The following EWSR1 variants were observed in gnomAD, a reference collection of about 807,000 sequenced individuals.
EWSR1 encodes the protein EWS RNA binding protein 1.
Under a neutral mutation model 92.1 loss-of-function variants are expected in EWSR1, and 14 were observed. The observed-to-expected ratio is 0.15, with a 90% CI of 0.10 to 0.24. EWSR1 has a LOEUF of 0.24. Ranked by LOEUF, EWSR1 falls within the 10% of genes least tolerant of loss-of-function variation. The pLI, the probability that EWSR1 is intolerant of heterozygous loss-of-function variation, is 1.00. For missense variants in EWSR1, 637 were observed against 870.9 expected (o/e 0.73, Z 3.38); for synonymous variants, 303 against 292.9 (o/e 1.03, Z -0.35).
At chr22:29,268,485 A>G (rs2058315912) in intron 1 of EWSR1, 136 bp downstream of exon 1, 29 of 1,509,072 alleles carry the variant, frequency 1.9e-5, no homozygotes, top group Non-Finnish European at 2.7e-5. Flanking sequence ...CGGCCCGACG[A>G]GCTCGGGGAT....
chr22:29,279,825 A>C (rs980742059), intron 5 of EWSR1, among the ~76,000 whole-genome samples: 1 of 152,208 alleles, frequency 6.6e-6, no homozygotes, highest in Non-Finnish European at 1.5e-5. Context: ...CTCATTTCCG[A>C]GTGTCATCAG....
intron 6 of EWSR1, among the ~76,000 whole-genome samples, chr22:29,285,121 T>TG (rs1491560682): frequency 3.6e-5 from 4 of 111,638 alleles, no homozygotes; most frequent in Admixed American, 3.0e-4. Context: ...TTCTGGCCCT[T>TG]GTTTTTTTTT....
intron 10 of EWSR1, 69 bp downstream of exon 10, chr22:29,292,238 C>A: frequency 6.9e-7 from 1 of 1,449,368 alleles, no homozygotes; most frequent in Non-Finnish European, 9.7e-7. Context: ...TAAATGCATG[C>A]GTAGAGTTCA....
intron 4 of EWSR1, among the ~76,000 whole-genome samples, chr22:29,274,851 G>T (rs1602225794): frequency 1.3e-5 from 2 of 152,250 alleles, no homozygotes. Context: ...ATTTTTTTGT[G>T]TTCAGTGCTG....
At chr22:29,294,674 G>A (rs1459261254) in intron 11 of EWSR1, among the ~76,000 whole-genome samples, 2 of 151,660 alleles carry the variant, frequency 1.3e-5, no homozygotes, top group East Asian at 3.9e-4. Context: ...CCGGCACTAT[G>A]GGAGGCCGAG....
At chr22:29,281,140 A>G (rs1298688650) in intron 5 of EWSR1, among the ~76,000 whole-genome samples, 5 of 151,408 alleles carry the variant, frequency 3.3e-5, no homozygotes, top group South Asian at 2.1e-4. Flanking sequence ...CAGCCTCCCA[A>G]AGTTCTGGGA....
Position 29,300,494 on chromosome 22 carries a change from TAAA to T in EWSR1, c.*334_*336del. 1 of 236,250 alleles carries T rather than the reference TAAA, an allele frequency of 4.2e-6. No homozygotes were observed. The highest frequency in any genetic ancestry group is 2.3e-5 in the African/African-American group (1 of 44,354). The allele number at this position is 236,250 out of a possible 1,614,324, so 14.6% of individuals were successfully genotyped here. A position where few individuals can be genotyped will look rare whatever the true frequency, so the allele number is the denominator to read the frequency against. On this transcript the variant is annotated 3_prime_UTR_variant, in exon 17 of 17. Coordinates refer to ENST00000397938, the MANE Select transcript of EWSR1 (RefSeq NM_005243.4). Reference sequence around the variant, plus strand: ...GGTTGTGATGTTTTTTTTTTTTTTTTAAATAAAATTCCAAATGTTTATAAAGAG... The same window carrying T: ...GGTTGTGATGTTTTTTTTTTTTTTTTTAAAATTCCAAATGTTTATAAAGAG...
intron 3 of EWSR1, among the ~76,000 whole-genome samples, chr22:29,272,724 T>C (rs2058777669): frequency 6.6e-6 from 1 of 152,228 alleles, no homozygotes; most frequent in Non-Finnish European, 1.5e-5. Flanking sequence ...AGTGAATTTA[T>C]TCATCATAGC....
At chr22:29,274,198 A>C in intron 4 of EWSR1, 1 of 1,552,240 alleles carries the variant, frequency 6.4e-7, no homozygotes. Flanking sequence ...TAAAAATCAA[A>C]CTGGTTTTCA....
In EWSR1 at chr22:29,278,233, C is replaced by T; in HGVS notation, c.413+17C>T. ...ACCTACAAGGTAAGGCCATGGTGTC[C>T]TTAATGCGTCAGTCTTATGTTGGAG... On this transcript the variant is annotated intron_variant, in intron 5 of 16. Transcript: ENST00000397938. The T allele has an allele frequency of 1.2e-6, 2 of 1,610,274 alleles. No individual in the cohort carries two copies. Among genetic ancestry groups the T allele is most frequent in the Non-Finnish European group, 1.7e-6 (2 of 1,177,610 alleles).
intron 11 of EWSR1, among the ~76,000 whole-genome samples, chr22:29,294,187 A>G (rs754916810): frequency 6.6e-6 from 1 of 152,094 alleles, no homozygotes; most frequent in Non-Finnish European, 1.5e-5. Flanking sequence ...AGTAAAGACT[A>G]TCGATTTCCT....
intron 1 of EWSR1, 64 bp from the exon 2 acceptor site, chr22:29,272,152 C>T: frequency 6.9e-7 from 1 of 1,459,554 alleles, no homozygotes; most frequent in Non-Finnish European, 9.6e-7. Context: ...ATTCTTTCCC[C>T]CTTTTTTCTC....
rs146607451 is a variant in EWSR1 at position 29,286,941 on chromosome 22, G to A, written c.600G>A (p.Pro200=). 2,212 of 1,611,102 alleles carry A rather than the reference G, an allele frequency of 1.4e-3. 3 individuals carry two copies. The highest frequency in any genetic ancestry group is 2.4e-3 in the Admixed American group (145 of 59,642). ...YPPTSYSSTQ[P]TSYDQSSYSQ... ...CTTTCAGCTATTCCTCTACACAGCC[G>A]ACTAGTTATGATCAGAGCAGTTACT... is the stretch of plus-strand genomic sequence containing the variant. The change falls in exon 7 of 17, where the codon CCG becomes CCA. Residue 200 remains proline, a synonymous_variant. Coordinates refer to ENST00000397938, the MANE Select transcript of EWSR1 (RefSeq NM_005243.4).
At chr22:29,290,001 G>A (rs1056525492) in intron 8 of EWSR1, 3 of 232,974 alleles carry the variant, frequency 1.3e-5, no homozygotes, top group African/African-American at 4.4e-5. Context: ...CTATCATCAC[G>A]TCTCAAATCA....
Position 29,290,571 on chromosome 22 carries a change from A to T in EWSR1, c.975-991A>T. On this transcript the variant is annotated intron_variant, in intron 8 of 16. Transcript: ENST00000397938. The stretch of plus-strand genomic sequence containing the variant: ...TTTAACAAAATGTATTCATTGTATA[A>T]ATGGAATCCTTCTGTAACTTTGGTA... The T allele has an allele frequency of 2.6e-6, 4 of 1,537,600 alleles. No homozygotes were observed. In the South Asian group the frequency reaches 4.9e-5, roughly 19 times the overall value.
At chr22:29,286,506 A>G (rs1285293744) in intron 6 of EWSR1, among the ~76,000 whole-genome samples, 1 of 151,754 alleles carries the variant, frequency 6.6e-6, no homozygotes, top group Admixed American at 6.6e-5. Flanking sequence ...GGCTAACAAG[A>G]TGAAACCCTG....
At chr22:29,290,207 C>T in intron 8 of EWSR1, 3 of 486,580 alleles carry the variant, frequency 6.2e-6, no homozygotes, top group Non-Finnish European at 7.4e-6. Flanking sequence ...GTGAAGCAGT[C>T]TGTCGGATCC....
chr22:29,278,468 T>G (rs1470705810), intron 5 of EWSR1, among the ~76,000 whole-genome samples: 1 of 150,198 alleles, frequency 6.7e-6, no homozygotes, highest in Admixed American at 6.7e-5. Flanking sequence ...GGGCGGATCA[T>G]ATAAGGTCAG....
chr22:29,279,741 C>G lies in EWSR1; in HGVS notation c.413+1525C>G, dbSNP rs142070468. Among the ~76,000 whole-genome samples, 20 of 152,294 alleles carry G rather than the reference C, an allele frequency of 1.3e-4. No homozygotes were observed. In the East Asian group the frequency reaches 3.9e-3, roughly 29 times the overall value. On this transcript the variant is annotated intron_variant, in intron 5 of 16. Transcript: ENST00000397938. ...AAAATGCACAGTGAGTAATCGGAGC[C>G]GCTTGGCAATTTACCCTTGGTAGAC... is the stretch of plus-strand genomic sequence containing the variant.
Sources: gnomAD v4.1 joint callset for allele counts (sites outside exome capture counted in the v4.1 genomes callset) on GRCh38, gnomAD v4.1.1 for gene constraint, MANE v1.5 for transcripts, NCBI Gene and HGNC (gene_info 2026-07-23, HGNC 2026-07-21) for gene names.